FBXO25: variants seen among roughly 807,000 people sequenced by gnomAD.
The protein encoded by FBXO25 is F-box protein 25.
FBXO25 carries 45 observed loss-of-function variants against 51.9 expected under a neutral mutation model. The ratio of observed to expected loss-of-function variants is 0.87; its 90% CI spans 0.68 to 1.11. FBXO25 has a LOEUF of 1.11. FBXO25 is among the 50% of genes most tolerant of loss of function. FBXO25 has a pLI of 0.00. For synonymous variants in FBXO25, 199 were observed against 151.0 expected, an observed-to-expected ratio of 1.32 and a Z score of -2.33; for missense variants, 507 against 428.5, an observed-to-expected ratio of 1.18 and a Z score of -1.62.
At chr8:410,379 G>T (rs562062345) in intron 1 of FBXO25, among the ~76,000 whole-genome samples, 17 of 152,108 alleles carry the variant, frequency 1.1e-4, no homozygotes, top group African/African-American at 4.1e-4. Flanking sequence ...TGTCGTTGAA[G>T]TAATCCTGTA....
chr8:427,391 C>T (rs1797557996), intron 2 of FBXO25, among the ~76,000 whole-genome samples: 1 of 150,726 alleles, frequency 6.6e-6, no homozygotes, highest in African/African-American at 2.5e-5. Context: ...ATGACCTTGG[C>T]ACTTAGAGTC....
intron 5 of FBXO25, among the ~76,000 whole-genome samples, chr8:437,914 A>G (rs1345550032): frequency 6.6e-6 from 1 of 152,292 alleles, no homozygotes; most frequent in Non-Finnish European, 1.5e-5. Flanking sequence ...AGTTGTCCAT[A>G]ATGTCACTCA....
chr8:428,707 G>T (rs1346427682), intron 2 of FBXO25, among the ~76,000 whole-genome samples: 9 of 152,102 alleles, frequency 5.9e-5, no homozygotes, highest in Non-Finnish European at 1.2e-4. Flanking sequence ...TCATTCTCCA[G>T]CACCCCCAGA....
rs1800360812 is a variant in FBXO25 at position 468,784 on chromosome 8, A to G, written c.1057A>G (p.Ile353Val). ...CFTPVSPQHFIDLFKF is the reference protein window; with the variant it reads ...CFTPVSPQHFVDLFKF ...CACGCCTGTGTCTCCGCAGCACTTCATCGACCTCTTCAAGTTTTAAGGGCT... is the reference window on the plus strand; with the variant it reads ...CACGCCTGTGTCTCCGCAGCACTTCGTCGACCTCTTCAAGTTTTAAGGGCT... The change falls in exon 10 of 10, where the codon ATC becomes GTC. Residue 353 changes from isoleucine to valine, a missense_variant. Ile to Val is a conservative substitution (Grantham distance 29, BLOSUM62 3). Coordinates refer to ENST00000350302, the MANE Select transcript of FBXO25 (RefSeq NM_183420.2). The G allele has an allele frequency of 3.1e-6, 5 of 1,613,800 alleles. No individual in the cohort carries two copies. The East Asian group carries it at 1.1e-4, about 36-fold the overall frequency.
chr8:468,950 G>A lies in FBXO25; in HGVS notation c.*146G>A. 1.5e-6 allele frequency: 1 copy of A among 650,184 alleles called. No homozygotes were observed. The highest frequency in any genetic ancestry group is 2.5e-6 in the Non-Finnish European group (1 of 393,438). The allele number at this position is 650,184 out of a possible 1,614,324, so 40.3% of individuals were successfully genotyped here. A position where few individuals can be genotyped will look rare whatever the true frequency, so the allele number is the denominator to read the frequency against. On this transcript the variant is annotated 3_prime_UTR_variant, in exon 10 of 10. Transcript: ENST00000350302. ...GAAGAACTGCCCTTCTGCAAAGGGG[G>A]GACTGCATGGTTGCATTTTCATCAC... is the stretch of plus-strand genomic sequence containing the variant.
At chr8:451,210 C>G (rs548706541) in intron 6 of FBXO25, 59 bp from the exon 7 acceptor site, 4 of 1,469,676 alleles carry the variant, frequency 2.7e-6, no homozygotes, top group South Asian at 1.3e-5. Flanking sequence ...GAAACTAGAT[C>G]TTTTTTTAAA....
At chr8:436,060 A>C (rs1243456249) in intron 5 of FBXO25, among the ~76,000 whole-genome samples, 3 of 152,248 alleles carry the variant, frequency 2.0e-5, no homozygotes, top group Non-Finnish European at 2.9e-5. Flanking sequence ...ATGATTTCAC[A>C]AATGTTTTCT....
At chr8:465,177 A>T in intron 9 of FBXO25, among the ~76,000 whole-genome samples, 1 of 149,970 alleles carries the variant, frequency 6.7e-6, no homozygotes, top group East Asian at 2.0e-4. Flanking sequence ...TTGACACCTG[A>T]CCCTGGAGGG....
intron 2 of FBXO25, among the ~76,000 whole-genome samples, chr8:415,040 A>G (rs976387225): frequency 9.2e-5 from 14 of 152,230 alleles, no homozygotes; most frequent in South Asian, 4.1e-4. Flanking sequence ...TGAACCTAAA[A>G]TTGATTTTAA....
chr8:419,664 A>G lies in FBXO25; in HGVS notation c.134+6451A>G, dbSNP rs1258188029. On this transcript the variant is annotated intron_variant, in intron 2 of 9. Transcript: ENST00000350302. ...CACATTTTATACAAAAATGAACTCA[A>G]AATGGATCATATACCTAAATGTAGA... is the stretch of plus-strand genomic sequence containing the variant. 2.0e-5 allele frequency among the ~76,000 whole-genome samples: 3 copies of G among 152,232 alleles called. No individual in the cohort carries two copies. In the East Asian group the frequency reaches 5.8e-4, roughly 29 times the overall value.
At position 473,514 on chromosome 8, in the gene FBXO25, AG is replaced by A. The variant is rs949540341; in HGVS notation, c.*4712del. The A allele has an allele frequency of 3.3e-5, 5 of 152,262 alleles. No individual in the cohort carries two copies. The highest frequency in any genetic ancestry group is 6.5e-5 in the Admixed American group (1 of 15,286). The allele number at this position is 152,262 out of a possible 1,614,324, so 9.4% of individuals were successfully genotyped here. A position where few individuals can be genotyped will look rare whatever the true frequency, so the allele number is the denominator to read the frequency against. On this transcript the variant is annotated 3_prime_UTR_variant, in exon 10 of 10. Transcript: ENST00000350302. ...GCCATTGCTTTTCACGTGAATGCCT[AG>A]GAGAGGCTGTTAACCCTCCTAGTTG...
chr8:462,998 T>C lies in FBXO25; in HGVS notation c.844-9T>C, dbSNP rs1232233309. ...TATGCGGATTCTGAATGGAGTTTTG[T>C]TTGTTTAGTTTTGTAGACATTTGAT... On this transcript the variant is annotated splice_polypyrimidine_tract_variant and intron_variant, in intron 8 of 9. Transcript: ENST00000350302. The C allele has an allele frequency of 1.3e-6, 2 of 1,598,524 alleles. No homozygotes were observed. The highest frequency in any genetic ancestry group is 2.7e-5 in the African/African-American group (2 of 74,206).
At chr8:426,719 C>T (rs567890303) in intron 2 of FBXO25, among the ~76,000 whole-genome samples, 15 of 151,306 alleles carry the variant, frequency 9.9e-5, no homozygotes, top group South Asian at 2.1e-4. Flanking sequence ...CTCTTTAAGA[C>T]GGCGTTTCCC....
intron 2 of FBXO25, among the ~76,000 whole-genome samples, chr8:424,054 G>A (rs767911319): frequency 3.3e-5 from 5 of 150,848 alleles, no homozygotes; most frequent in African/African-American, 9.8e-5. Context: ...GTACTGAGCC[G>A]TTTTCATGTT....
At chr8:456,643 C>T (rs1455448962) in intron 7 of FBXO25, among the ~76,000 whole-genome samples, 5 of 152,298 alleles carry the variant, frequency 3.3e-5, no homozygotes, top group South Asian at 2.1e-4. Context: ...CACACTAGTG[C>T]AGTCCATGAA....
chr8:422,877 G>C (rs373904157), intron 2 of FBXO25, among the ~76,000 whole-genome samples: 3 of 152,102 alleles, frequency 2.0e-5, no homozygotes, highest in East Asian at 1.9e-4. Context: ...GTCTTTATTG[G>C]GTATGTGTTA....
chr8:448,986 C>T (rs1016994042), intron 5 of FBXO25, among the ~76,000 whole-genome samples: 5 of 152,090 alleles, frequency 3.3e-5, no homozygotes, highest in African/African-American at 9.7e-5. Flanking sequence ...CAAAGTTTTT[C>T]AAAAAGCTAC....
chr8:411,526 C>G (rs766514739), intron 1 of FBXO25, among the ~76,000 whole-genome samples: 3 of 152,098 alleles, frequency 2.0e-5, no homozygotes, highest in Non-Finnish European at 4.4e-5. Flanking sequence ...CTCTTTCTCT[C>G]TAGTCTAACT....
At chr8:455,262 T>G (rs1004153477) in intron 7 of FBXO25, among the ~76,000 whole-genome samples, 1 of 152,204 alleles carries the variant, frequency 6.6e-6, no homozygotes, top group African/African-American at 2.4e-5. Flanking sequence ...GGTCCTTGTT[T>G]AGAGGTCCCC....
Sources: gnomAD v4.1 joint callset for allele counts (sites outside exome capture counted in the v4.1 genomes callset) on GRCh38, gnomAD v4.1.1 for gene constraint, MANE v1.5 for transcripts, NCBI Gene and HGNC (gene_info 2026-07-23, HGNC 2026-07-21) for gene names.